CAMKMT: variants seen among roughly 807,000 people sequenced by gnomAD.
CAMKMT encodes the protein calmodulin-lysine N-methyltransferase, also known as CaM KMT.
Under a neutral mutation model 48.0 loss-of-function variants are expected in CAMKMT, and 53 were observed. The ratio of observed to expected loss-of-function variants is 1.10; its 90% CI spans 0.89 to 1.39. The LOEUF is 1.39. CAMKMT is among the 40% of genes most tolerant of loss of function. The pLI, the probability that CAMKMT is intolerant of heterozygous loss-of-function variation, is 0.00. For missense variants in CAMKMT, 428 were observed against 402.7 expected, an observed-to-expected ratio of 1.06 and a Z score of -0.54; for synonymous variants, 165 against 152.3, an observed-to-expected ratio of 1.08 and a Z score of -0.61.
chr2:44,553,099 A>G (rs547373446), intron 3 of CAMKMT, among the ~76,000 whole-genome samples: 33 of 152,350 alleles, frequency 2.2e-4, no homozygotes, highest in Admixed American at 1.0e-3. Flanking sequence ...TTCATGGCAC[A>G]TTAAAGTCTT....
chr2:44,399,782 T>G (rs1230874774), intron 3 of CAMKMT, among the ~76,000 whole-genome samples: 2 of 151,980 alleles, frequency 1.3e-5, no homozygotes, highest in South Asian at 4.1e-4. Context: ...GAGCCTGGGG[T>G]AGGTAGACTG....
At chr2:44,693,479 G>C (rs1676771170) in intron 3 of CAMKMT, among the ~76,000 whole-genome samples, 1 of 152,116 alleles carries the variant, frequency 6.6e-6, no homozygotes, top group African/African-American at 2.4e-5. Flanking sequence ...CTCCCCTTCT[G>C]TGGACCACTT....
intron 3 of CAMKMT, among the ~76,000 whole-genome samples, chr2:44,454,944 A>T (rs1667480932): frequency 6.6e-6 from 1 of 152,126 alleles, no homozygotes. Flanking sequence ...CTGGTCTTTG[A>T]ACTCTTGATT....
intron 7 of CAMKMT, among the ~76,000 whole-genome samples, chr2:44,732,853 C>T (rs1679155775): frequency 6.6e-6 from 1 of 152,046 alleles, no homozygotes; most frequent in African/African-American, 2.4e-5. Context: ...ATATGATTTG[C>T]CATTTTCTTC....
At chr2:44,748,292 G>A (rs1010601208) in intron 8 of CAMKMT, among the ~76,000 whole-genome samples, 23 of 152,160 alleles carry the variant, frequency 1.5e-4, no homozygotes, top group Non-Finnish European at 2.8e-4. Context: ...AATGTGTGCC[G>A]TGTGTTAAGC....
At position 44,766,502 on chromosome 2, in the gene CAMKMT, G is replaced by GGTT; in HGVS notation, c.836_838dup (p.Gly279_Phe280insCys). ...GTTTTGCAATCTAGCTGAAAAAGCT[G>GGTT]GTTTCTGTATCCAAAGACATGAAAA... On this transcript the variant is annotated inframe_insertion, in exon 10 of 11. Transcript: ENST00000378494. The GGTT allele has an allele frequency of 6.2e-7, 1 of 1,614,042 alleles. No homozygotes were observed. Among genetic ancestry groups the GGTT allele is most frequent in the Non-Finnish European group, 8.5e-7 (1 of 1,179,992 alleles).
chr2:44,671,580 C>T (rs1166335812), intron 3 of CAMKMT, among the ~76,000 whole-genome samples: 1 of 152,160 alleles, frequency 6.6e-6, no homozygotes, highest in Non-Finnish European at 1.5e-5. Flanking sequence ...CACCCTCACC[C>T]CGTGTGGCCA....
chr2:44,511,206 G>A (rs771265018), intron 3 of CAMKMT, among the ~76,000 whole-genome samples: 3 of 152,116 alleles, frequency 2.0e-5, no homozygotes, highest in Non-Finnish European at 4.4e-5. Flanking sequence ...GACAACATAC[G>A]ATATTTAGTT....
At chr2:44,574,979 C>T (rs1007680018) in intron 3 of CAMKMT, among the ~76,000 whole-genome samples, 1 of 152,186 alleles carries the variant, frequency 6.6e-6, no homozygotes, top group South Asian at 2.1e-4. Flanking sequence ...TGGTCTCGAA[C>T]TCCTGACCTC....
chr2:44,694,534 G>T (rs961471487), intron 3 of CAMKMT, among the ~76,000 whole-genome samples: 1 of 152,200 alleles, frequency 6.6e-6, no homozygotes, highest in African/African-American at 2.4e-5. Context: ...CTGCACTCCA[G>T]CCTGGCTGAC....
chr2:44,710,714 A>C (rs1297476023), intron 6 of CAMKMT, among the ~76,000 whole-genome samples: 1 of 152,166 alleles, frequency 6.6e-6, no homozygotes, highest in Non-Finnish European at 1.5e-5. Flanking sequence ...TTGTGATAAC[A>C]ATGACCTAGG....
At chr2:44,584,071 G>C (rs142920115) in intron 3 of CAMKMT, among the ~76,000 whole-genome samples, 1 of 152,104 alleles carries the variant, frequency 6.6e-6, no homozygotes, top group East Asian at 1.9e-4. Flanking sequence ...TTTTCCCCAG[G>C]CTCCTGGATT....
At chr2:44,662,776 C>T (rs1435498203) in intron 3 of CAMKMT, among the ~76,000 whole-genome samples, 1 of 152,068 alleles carries the variant, frequency 6.6e-6, no homozygotes, top group African/African-American at 2.4e-5. Flanking sequence ...ATTGCCCAGG[C>T]TGGTCTTGAA....
At position 44,617,761 on chromosome 2, in the gene CAMKMT, A is replaced by G. The variant is rs192902495; in HGVS notation, c.377-86522A>G. ...AGTGTGGCTTTAAAGAATATAGTGCATTTTCTCTGAGTGAGCATTCGTGAC... is the reference window on the plus strand; with the variant it reads ...AGTGTGGCTTTAAAGAATATAGTGCGTTTTCTCTGAGTGAGCATTCGTGAC... On this transcript the variant is annotated intron_variant, in intron 3 of 10. Coordinates refer to ENST00000378494, the MANE Select transcript of CAMKMT (RefSeq NM_024766.5). Among the ~76,000 whole-genome samples, 8 of 152,296 alleles carry G rather than the reference A, an allele frequency of 5.3e-5. No homozygotes were observed. In the East Asian group the frequency reaches 9.6e-4, roughly 18 times the overall value.
At chr2:44,672,333 G>C (rs1389200159) in intron 3 of CAMKMT, among the ~76,000 whole-genome samples, 1 of 152,192 alleles carries the variant, frequency 6.6e-6, no homozygotes, top group Non-Finnish European at 1.5e-5. Context: ...CACAAGTGGA[G>C]TGGGCAGAGC....
intron 3 of CAMKMT, among the ~76,000 whole-genome samples, chr2:44,504,783 T>C (rs1057512021): frequency 6.6e-6 from 1 of 152,222 alleles, no homozygotes; most frequent in Non-Finnish European, 1.5e-5. Context: ...AAATACCTGT[T>C]CAGTGTCTTG....
intron 2 of CAMKMT, among the ~76,000 whole-genome samples, chr2:44,385,448 CTT>C (rs1342799499): frequency 3.3e-5 from 5 of 152,132 alleles, no homozygotes; most frequent in Non-Finnish European, 7.4e-5. Flanking sequence ...TTGACTTCCT[CTT>C]TACTGATGCC....
intron 7 of CAMKMT, among the ~76,000 whole-genome samples, chr2:44,743,109 A>C (rs1679771411): frequency 6.6e-6 from 1 of 152,210 alleles, no homozygotes; most frequent in South Asian, 2.1e-4. Context: ...TGAATTTTTC[A>C]CTATGCCTAA....
Position 44,474,803 on chromosome 2 carries a change from T to C in CAMKMT, c.376+84498T>C, listed in dbSNP as rs558771605. 7.8e-4 allele frequency among the ~76,000 whole-genome samples: 119 copies of C among 152,310 alleles called. 1 individual carries two copies. Among genetic ancestry groups the C allele is most frequent in the Non-Finnish European group, 3.5e-4 (24 of 68,026 alleles). On this transcript the variant is annotated intron_variant, in intron 3 of 10. Coordinates refer to ENST00000378494, the MANE Select transcript of CAMKMT (RefSeq NM_024766.5). ...TTGCACTAACAGCACTGTAAATACA[T>C]GGAAACCCTCTATGCTGCAATTCTC...
Sources: gnomAD v4.1 joint callset for allele counts (sites outside exome capture counted in the v4.1 genomes callset) on GRCh38, gnomAD v4.1.1 for gene constraint, MANE v1.5 for transcripts, NCBI Gene and HGNC (gene_info 2026-07-23, HGNC 2026-07-21) for gene names.